NOS1: variants seen among roughly 807,000 people sequenced by gnomAD.
The protein encoded by NOS1 is NOS type I.
A neutral mutation model predicts 164.5 loss-of-function variants in NOS1; 51 were observed. The observed-to-expected ratio is 0.31, with a 90% CI of 0.25 to 0.39. The LOEUF (loss-of-function observed/expected upper bound fraction) is 0.39. Among genes scored for constraint, NOS1 ranks in the 10% least tolerant of loss-of-function variants. The pLI is 1.00. For missense variants in NOS1, 1,362 were observed against 1,885.6 expected, an observed-to-expected ratio of 0.72 and a Z score of 5.14; for synonymous variants, 719 against 745.8, an observed-to-expected ratio of 0.96 and a Z score of 0.59.
rs567890577 is a variant in NOS1, at chr12:117,217,470, T to A, written c.4289+576A>T. 2.0e-5 allele frequency among the ~76,000 whole-genome samples: 3 copies of A among 152,212 alleles called. No individual in the cohort carries two copies. The East Asian group carries it at 5.8e-4, about 29-fold the overall frequency. On this transcript the variant is annotated intron_variant, in intron 28 of 28. Coordinates refer to ENST00000317775, the MANE Select transcript of NOS1 (RefSeq NM_000620.5). The stretch of plus-strand genomic sequence containing the variant: ...CTATAATTCCAGCACTTTGGGAGGC[T>A]GAGGTGGGCAGATCACTTGAGGTCA...
rs1408979851 is a variant in NOS1 at position 117,210,297 on chromosome 12, GAC to G, written c.*5010_*5011del. ...CTGGCCTACTTTTTGAGCCAAAGAG[GAC>G]ATTTGGATGCAGGAGACTATGAAGG... On this transcript the variant is annotated 3_prime_UTR_variant, in exon 29 of 29. Coordinates refer to ENST00000317775, the MANE Select transcript of NOS1 (RefSeq NM_000620.5). The G allele has an allele frequency of 1.4e-5, 14 of 985,158 alleles. No homozygotes were observed. Among genetic ancestry groups the G allele is most frequent in the Non-Finnish European group, 1.6e-5 (13 of 829,954 alleles). The allele number at this position is 985,158 out of a possible 1,614,324, so 61.0% of individuals were successfully genotyped here.
rs1273170424 is a variant in NOS1 at position 117,226,906 on chromosome 12, T to C, written c.3617-136A>G. On this transcript the variant is annotated intron_variant, in intron 23 of 28. Transcript: ENST00000317775. ...AATTCCTCCCCAGGATCCCTTCCTC[T>C]GAAGGGCAAGAGGAAATGGTATAGC... The C allele has an allele frequency of 1.4e-4, 94 of 693,888 alleles. No individual in the cohort carries two copies. In the Admixed American group the frequency reaches 2.0e-3, roughly 15 times the overall value. 43.0% of individuals were successfully genotyped at this position (693,888 alleles called of 1,614,324 possible). A position where few individuals can be genotyped will look rare whatever the true frequency, so the allele number is the denominator to read the frequency against.
intron 1 of NOS1, among the ~76,000 whole-genome samples, chr12:117,331,958 G>T (rs574334230): frequency 1.0e-3 from 157 of 152,330 alleles, no homozygotes; most frequent in African/African-American, 3.7e-3. Context: ...AGTGGAACGG[G>T]AATGACACTG....
chr12:117,227,616 T>A lies in NOS1; in HGVS notation c.3431A>T (p.Lys1144Ile). 1 of 1,614,042 alleles carries A rather than the reference T, an allele frequency of 6.2e-7. No homozygotes were observed. Among genetic ancestry groups the A allele is most frequent in the Non-Finnish European group, 8.5e-7 (1 of 1,179,940 alleles). Residue 1144 changes from lysine (K) to isoleucine (I), a missense_variant, in exon 23 of 29, where the codon AAA (lysine) becomes ATA (isoleucine). By Grantham distance (102) the Lys-to-Ile change is moderately radical (BLOSUM62 -3). Around this residue, in one of 4 missense-constraint regions of NOS1, gnomAD observed 737 missense variants for 1,030.3 expected, o/e 0.72. Coordinates refer to ENST00000317775, the MANE Select transcript of NOS1 (RefSeq NM_000620.5). ...SKGLQEYEEW[K>I]WGKNPTIVEV... Reference sequence around the variant, plus strand: ...CACGATGGTGGGGTTCTTGCCCCATTTCCATTCCTCGTACTCCTGCAAACC... The same window carrying A: ...CACGATGGTGGGGTTCTTGCCCCATATCCATTCCTCGTACTCCTGCAAACC...
intron 3 of NOS1, among the ~76,000 whole-genome samples, chr12:117,306,969 A>G (rs1874181772): frequency 6.6e-6 from 1 of 152,222 alleles, no homozygotes; most frequent in East Asian, 1.9e-4. Context: ...TTAGGCAAAC[A>G]CTTATCTGAT....
intron 9 of NOS1, among the ~76,000 whole-genome samples, chr12:117,275,383 G>A (rs542047938): frequency 6.6e-6 from 1 of 152,074 alleles, no homozygotes; most frequent in Non-Finnish European, 1.5e-5. Flanking sequence ...TATGTTAAGT[G>A]AAATGAACCA....
chr12:117,210,899 G>A lies in NOS1; in HGVS notation c.*4410C>T. 1.0e-6 allele frequency: 1 copy of A among 985,338 alleles called. No individual in the cohort carries two copies. Among genetic ancestry groups the A allele is most frequent in the Non-Finnish European group, 1.2e-6 (1 of 829,908 alleles). 61.0% of individuals were successfully genotyped at this position (985,338 alleles called of 1,614,324 possible). ...CTCTGAAAACTCATCTTTTCCCTGAGCCTGCTCTTCAGAGACCTCTCTCTC... is the reference window on the plus strand; with the variant it reads ...CTCTGAAAACTCATCTTTTCCCTGAACCTGCTCTTCAGAGACCTCTCTCTC... On this transcript the variant is annotated 3_prime_UTR_variant, in exon 29 of 29. Coordinates refer to ENST00000317775, the MANE Select transcript of NOS1 (RefSeq NM_000620.5).
intron 26 of NOS1, among the ~76,000 whole-genome samples, chr12:117,220,996 G>GC (rs948097861): frequency 4.0e-5 from 6 of 151,838 alleles, no homozygotes; most frequent in Non-Finnish European, 4.4e-5. Context: ...CTCTCTGAGT[G>GC]CCCCCCCAAC....
At chr12:117,219,042 G>A (rs1190936857) in intron 27 of NOS1, among the ~76,000 whole-genome samples, 1 of 150,342 alleles carries the variant, frequency 6.7e-6, no homozygotes, top group Non-Finnish European at 1.5e-5. Context: ...GCAGTGGCGT[G>A]ATCTCGGCTC....
In NOS1 at chr12:117,242,682, G is replaced by A; in HGVS notation, c.2986C>T (p.Arg996Ter). The A allele has an allele frequency of 1.2e-6, 2 of 1,614,078 alleles. No homozygotes were observed. The highest frequency in any genetic ancestry group is 1.7e-6 in the Non-Finnish European group (2 of 1,179,962). ...CTAAGGAGCCGGGCAGCTGAGACTC[G>A]CTTTTTGTGGACATTGGATAGACCT... is the stretch of plus-strand genomic sequence containing the variant. ...TQGLSNVHKK[R>*]VSAARLLSRQ... is the part of the protein sequence containing the mutation. The change falls in exon 20 of 29, where the codon CGA (arginine) becomes TGA (stop). Residue 996 changes from arginine (R) to a stop codon, truncating the protein, a stop_gained. Coordinates refer to ENST00000317775, the MANE Select transcript of NOS1 (RefSeq NM_000620.5). LOFTEE classifies it high-confidence loss of function.
intron 20 of NOS1, among the ~76,000 whole-genome samples, chr12:117,241,383 G>A (rs1870164923): frequency 6.6e-6 from 1 of 151,390 alleles, no homozygotes; most frequent in African/African-American, 2.4e-5. Flanking sequence ...GGTTCACCGG[G>A]TTACCCACCT....
At position 117,253,771 on chromosome 12, in the gene NOS1, G is replaced by C. The variant is rs756327696; in HGVS notation, c.2532-17C>G. ...TTGTAGCTCCTGCCAAAACCAAAGAGAACCTGTGAGCTCTGGCCTGGAGCT... is the reference window on the plus strand; with the variant it reads ...TTGTAGCTCCTGCCAAAACCAAAGACAACCTGTGAGCTCTGGCCTGGAGCT... On this transcript the variant is annotated splice_polypyrimidine_tract_variant and intron_variant, in intron 16 of 28. Coordinates refer to ENST00000317775, the MANE Select transcript of NOS1 (RefSeq NM_000620.5). The C allele has an allele frequency of 1.3e-5, 21 of 1,576,152 alleles. No homozygotes were observed. Among genetic ancestry groups the C allele is most frequent in the Middle Eastern group, 3.3e-4 (2 of 6,008 alleles).
rs569424151 is a variant in NOS1 at position 117,234,092 on chromosome 12, G to A, written c.3235+473C>T. Among the ~76,000 whole-genome samples the A allele has an allele frequency of 1.3e-5, 2 of 152,266 alleles. No homozygotes were observed. The highest frequency in any genetic ancestry group is 4.1e-4 in the South Asian group (2 of 4,824). On this transcript the variant is annotated intron_variant, in intron 21 of 28. Coordinates refer to ENST00000317775, the MANE Select transcript of NOS1 (RefSeq NM_000620.5). This position sits in a 1 kb window ranked among gnomAD's most constrained non-coding sequence, Gnocchi z 4.3. ...ATGTCAAGGATGGACACTTAAGCAG[G>A]CGAGAACTTGACCTAATGAGGTAAA...
Position 117,272,087 on chromosome 12 carries a change from C to G in NOS1, c.1839+298G>C, listed in dbSNP as rs9658381. Among the ~76,000 whole-genome samples, 1 of 152,054 alleles carries G rather than the reference C, an allele frequency of 6.6e-6. No homozygotes were observed. Among genetic ancestry groups the G allele is most frequent in the East Asian group, 1.9e-4 (1 of 5,188 alleles). On this transcript the variant is annotated intron_variant, in intron 10 of 28. Transcript: ENST00000317775. The surrounding 1 kb of genome is among the most constrained non-coding windows in gnomAD (Gnocchi z 4.3). The stretch of plus-strand genomic sequence containing the variant: ...GTGTGACCTTGAGCTTGTCATCTGT[C>G]GAAGGGGGATTCTCATACCTCAAGG...
chr12:117,302,219 A>G (rs2136043862), intron 3 of NOS1: 1 of 396,332 alleles, frequency 2.5e-6, no homozygotes, highest in Middle Eastern at 7.2e-4. Context: ...TATCTCATAC[A>G]TTATCTCATT....
rs371733445 is a variant in NOS1, at chr12:117,330,300, G to A, written c.725+45C>T. The A allele has an allele frequency of 5.6e-5, 84 of 1,492,278 alleles. No homozygotes were observed. In the African/African-American group the frequency reaches 7.7e-4, roughly 14 times the overall value. The allele number at this position is 1,492,278 out of a possible 1,614,324, so 92.4% of individuals were successfully genotyped here. A position where few individuals can be genotyped will look rare whatever the true frequency, so the allele number is the denominator to read the frequency against. ...GACGCACATGCACACACACAAGCAT[G>A]CACACACACACACACACACACACAC... is the stretch of plus-strand genomic sequence containing the variant. On this transcript the variant is annotated intron_variant, in intron 2 of 28. Coordinates refer to ENST00000317775, the MANE Select transcript of NOS1 (RefSeq NM_000620.5). This position sits in a 1 kb window ranked among gnomAD's most constrained non-coding sequence, Gnocchi z 4.6.
intron 9 of NOS1, among the ~76,000 whole-genome samples, chr12:117,274,586 T>A (rs768118732): frequency 2.0e-5 from 3 of 151,842 alleles, no homozygotes; most frequent in Non-Finnish European, 4.4e-5. Context: ...CTGACCAACA[T>A]GGTGAAACCC....
intron 3 of NOS1, among the ~76,000 whole-genome samples, chr12:117,294,372 G>C (rs1377343794): frequency 1.3e-5 from 2 of 152,126 alleles, no homozygotes; most frequent in Non-Finnish European, 2.9e-5. Flanking sequence ...ACTAATAAAA[G>C]AGGCCATCTG....
intron 10 of NOS1, among the ~76,000 whole-genome samples, chr12:117,269,973 G>A (rs376962955): frequency 3.9e-5 from 6 of 152,170 alleles, no homozygotes; most frequent in East Asian, 3.9e-4. Flanking sequence ...CTTGTCCAAC[G>A]TCCACAGAAC....
Sources: gnomAD v4.1 joint callset for allele counts (sites outside exome capture counted in the v4.1 genomes callset) on GRCh38, gnomAD v4.1.1 for gene constraint, gnomAD v4.1.1 regional missense constraint, Gnocchi (gnomAD v3.1) non-coding constraint, MANE v1.5 for transcripts, NCBI Gene and HGNC (gene_info 2026-07-23, HGNC 2026-07-21) for gene names.